Variants in C1orf162 observed in about 807,000 individuals in gnomAD.
C1orf162 encodes chromosome 1 open reading frame 162.
A neutral mutation model predicts 11.4 loss-of-function variants in C1orf162; 10 were observed. That is an observed-to-expected ratio of 0.88 (90% confidence interval 0.54 to 1.48). C1orf162 has a LOEUF of 1.48. C1orf162 is among the 40% of genes most tolerant of loss of function. The pLI, the probability that C1orf162 is intolerant of heterozygous loss-of-function variation, is 0.00. For missense variants in C1orf162, 140 were observed against 149.5 expected (o/e 0.94, Z 0.33); for synonymous variants, 53 against 55.0 (o/e 0.96, Z 0.16).
At chr1:111,475,940 C>A in intron 1 of C1orf162, 78 bp from the exon 2 acceptor site, 1 of 1,132,360 alleles carries the variant, frequency 8.8e-7, no homozygotes, top group Non-Finnish European at 1.3e-6. Flanking sequence ...TCTTATATGA[C>A]AATCACAGTC....
At chr1:111,476,699 C>G in intron 2 of C1orf162, 99 bp from the exon 3 acceptor site, 1 of 1,147,690 alleles carries the variant, frequency 8.7e-7, no homozygotes, top group South Asian at 1.2e-5. Context: ...TTAATTTCCA[C>G]TGGTTGCTTG....
chr1:111,475,266 G>GA (rs1354780038), intron 1 of C1orf162: 7 of 152,136 alleles, frequency 4.6e-5, no homozygotes, highest in Non-Finnish European at 1.0e-4. Context: ...CTTATAAAAA[G>GA]AAATATCTCA....
chr1:111,474,684 C>G (rs1214323497), intron 1 of C1orf162: 3 of 152,016 alleles, frequency 2.0e-5, no homozygotes, highest in African/African-American at 7.3e-5. Context: ...CTGTGGGCCT[C>G]CTATTCTCAT....
In C1orf162 at chr1:111,478,169, C is replaced by G; in HGVS notation, c.*46C>G. On this transcript the variant is annotated 3_prime_UTR_variant, in exon 6 of 6. Coordinates refer to ENST00000369718, the MANE Select transcript of C1orf162 (RefSeq NM_001300834.2). ...TTGAATCCATTTCCTCTCATCTCAGCCCTATCTTCACACATCACTTTCACT... is the reference window on the plus strand; with the variant it reads ...TTGAATCCATTTCCTCTCATCTCAGGCCTATCTTCACACATCACTTTCACT... 6.2e-7 allele frequency: 1 copy of G among 1,607,794 alleles called. No individual in the cohort carries two copies.
In C1orf162 at chr1:111,477,329, A is replaced by C. The variant is rs774346889; in HGVS notation, c.108-5A>C. Reference sequence around the variant, plus strand: ...TTCATCCCCTGCCTTTCTTTGCCAAAACAGCAAAAAACATTTAATCCTTGC... The same window carrying C: ...TTCATCCCCTGCCTTTCTTTGCCAACACAGCAAAAAACATTTAATCCTTGC... On this transcript the variant is annotated splice_region_variant and splice_polypyrimidine_tract_variant and intron_variant, in intron 3 of 5. Transcript: ENST00000369718. The C allele has an allele frequency of 6.2e-7, 1 of 1,613,486 alleles. No individual in the cohort carries two copies. The highest frequency in any genetic ancestry group is 2.2e-5 in the East Asian group (1 of 44,880).
chr1:111,476,544 T>C (rs984107474), intron 2 of C1orf162, among the ~76,000 whole-genome samples: 14 of 151,372 alleles, frequency 9.2e-5, no homozygotes, highest in Admixed American at 4.6e-4. Context: ...GAGAGCAACA[T>C]ATGAGATTTT....
Position 111,476,791 on chromosome 1 carries a change from C to G in C1orf162, c.38-7C>G. On this transcript the variant is annotated splice_polypyrimidine_tract_variant and splice_region_variant and intron_variant, in intron 2 of 5. Coordinates refer to ENST00000369718, the MANE Select transcript of C1orf162 (RefSeq NM_001300834.2). Reference sequence around the variant, plus strand: ...GATACACTAATTCCTTTTGTGTTTTCTTGTAGAAAGACAAGGCACTCTCTC... The same window carrying G: ...GATACACTAATTCCTTTTGTGTTTTGTTGTAGAAAGACAAGGCACTCTCTC... The G allele has an allele frequency of 6.2e-7, 1 of 1,613,646 alleles. No individual in the cohort carries two copies. Among genetic ancestry groups the G allele is most frequent in the Non-Finnish European group, 8.5e-7 (1 of 1,179,624 alleles).
At chr1:111,475,897 G>C in intron 1 of C1orf162, 121 bp from the exon 2 acceptor site, 1 of 710,214 alleles carries the variant, frequency 1.4e-6, no homozygotes. Context: ...GATGGCACTA[G>C]AACACCCACA....
chr1:111,474,551 T>TTCAATATTTTAAAAATATTATG (rs1653932106), intron 1 of C1orf162: 1 of 152,192 alleles, frequency 6.6e-6, no homozygotes, highest in African/African-American at 2.4e-5. Context: ...CAGCATATAT[T>TTCAATATTTTAAAAATATTATG]TCAATATTTT....
At position 111,478,171 on chromosome 1, in the gene C1orf162, C is replaced by T; in HGVS notation, c.*48C>T. The T allele has an allele frequency of 6.2e-7, 1 of 1,605,996 alleles. No individual in the cohort carries two copies. The highest frequency in any genetic ancestry group is 8.5e-7 in the Non-Finnish European group (1 of 1,173,368). On this transcript the variant is annotated 3_prime_UTR_variant, in exon 6 of 6. Transcript: ENST00000369718. ...GAATCCATTTCCTCTCATCTCAGCC[C>T]TATCTTCACACATCACTTTCACTTT...
chr1:111,474,775 T>C (rs1653939818), intron 1 of C1orf162: 1 of 152,184 alleles, frequency 6.6e-6, no homozygotes, highest in African/African-American at 2.4e-5. Flanking sequence ...TGGTGAATTG[T>C]AAGGTACTTG....
chr1:111,478,023 C>A lies in C1orf162; in HGVS notation c.293C>A (p.Thr98Lys), dbSNP rs146067555. The change falls in exon 6 of 6, where the codon ACA (threonine) becomes AAA (lysine). Residue 98 changes from threonine (T) to lysine (K), a missense_variant. By Grantham distance (78) the Thr-to-Lys change is moderately conservative. Coordinates refer to ENST00000369718, the MANE Select transcript of C1orf162 (RefSeq NM_001300834.2). ...GGGGAATCACTTACCTATGCCAGCA[C>A]AACTTTCAAACTCTCAGAAGAAAAG... The part of the protein sequence containing the change: ...IPGESLTYAS[T>K]TFKLSEEKSN... 638 of 1,614,026 alleles carry A rather than the reference C, an allele frequency of 4.0e-4. 1 individual carries two copies. Among genetic ancestry groups the A allele is most frequent in the Non-Finnish European group, 5.3e-4 (625 of 1,179,978 alleles).
At chr1:111,475,717 T>C in intron 1 of C1orf162, 1 of 313,976 alleles carries the variant, frequency 3.2e-6, no homozygotes. Context: ...TTTCGGCTTA[T>C]ACATCAGTCT....
chr1:111,477,022 C>T, intron 3 of C1orf162, 155 bp downstream of exon 3: 1 of 827,926 alleles, frequency 1.2e-6, no homozygotes, highest in Non-Finnish European at 2.0e-6. Context: ...AGGAGTATGG[C>T]TCTTAATTTG....
At position 111,476,808 on chromosome 1, in the gene C1orf162, C is replaced by CA; in HGVS notation, c.49dup (p.Thr17AsnfsTer10). 1 of 1,613,924 alleles carries CA rather than the reference C, an allele frequency of 6.2e-7. No individual in the cohort carries two copies. The highest frequency in any genetic ancestry group is 1.1e-5 in the South Asian group (1 of 91,062). Reference sequence around the variant, plus strand: ...TGTGTTTTCTTGTAGAAAGACAAGGCACTCTCTCCACAGCAGCCCCAACAA... The same window carrying CA: ...TGTGTTTTCTTGTAGAAAGACAAGGCAACTCTCTCCACAGCAGCCCCAACAA... On this transcript the variant is annotated frameshift_variant, in exon 3 of 6. Coordinates refer to ENST00000369718, the MANE Select transcript of C1orf162 (RefSeq NM_001300834.2). LOFTEE classifies it high-confidence loss of function.
chr1:111,477,835 C>T, intron 5 of C1orf162, 60 bp downstream of exon 5: 1 of 1,601,640 alleles, frequency 6.2e-7, no homozygotes, highest in East Asian at 2.2e-5. Context: ...AATTCCCCTC[C>T]ATACTCTTCA....
Position 111,477,401 on chromosome 1 carries a change from T to C in C1orf162, c.175T>C (p.Phe59Leu), listed in dbSNP as rs1046820381. 1.2e-6 allele frequency: 2 copies of C among 1,613,590 alleles called. No individual in the cohort carries two copies. The highest frequency in any genetic ancestry group is 3.3e-5 in the Admixed American group (2 of 60,002). ...GACACTGCTGCTGATAGCCTTTATC[T>C]TCCTCATCATAAAGAGCTACAGAAA... ...LLTLLLIAFIFLIIKSYRKYH... is the reference protein window; with the variant it reads ...LLTLLLIAFILLIIKSYRKYH... The change falls in exon 4 of 6, where the codon TTC becomes CTC. Residue 59 changes from phenylalanine (F) to leucine (L), a missense_variant. Coordinates refer to ENST00000369718, the MANE Select transcript of C1orf162 (RefSeq NM_001300834.2).
chr1:111,477,605 C>CACCCACCTGCCAA, intron 4 of C1orf162, 121 bp from the exon 5 acceptor site: 1 of 1,569,216 alleles, frequency 6.4e-7, no homozygotes, highest in Non-Finnish European at 8.7e-7. Context: ...GCCCTGCCCC[C>CACCCACCTGCCAA]CACCCACCTG....
chr1:111,477,831 C>A (rs17027773), intron 5 of C1orf162, 56 bp downstream of exon 5: 2 of 1,604,610 alleles, frequency 1.2e-6, no homozygotes, highest in African/African-American at 1.3e-5. Context: ...TTGGAATTCC[C>A]CTCCATACTC....
Sources: gnomAD v4.1 joint callset for allele counts (sites outside exome capture counted in the v4.1 genomes callset) on GRCh38, gnomAD v4.1.1 for gene constraint, MANE v1.5 for transcripts, NCBI Gene and HGNC (gene_info 2026-07-23, HGNC 2026-07-21) for gene names.